ATP6V0A1: variants seen among roughly 807,000 people sequenced by gnomAD.
ATP6V0A1 encodes the protein ATPase H+ transporting V0 subunit a1, also known as V-type proton ATPase 116 kDa subunit a 1.
ATP6V0A1 carries 43 observed loss-of-function variants against 105.4 expected under a neutral mutation model. The observed-to-expected ratio is 0.41, with a 90% CI of 0.32 to 0.53. The LOEUF (loss-of-function observed/expected upper bound fraction) is 0.53. Ranked by LOEUF, ATP6V0A1 falls within the 20% of genes least tolerant of loss-of-function variation. The probability of loss-of-function intolerance (pLI) is 0.30; values close to 1 mark genes in which losing one functional copy is unlikely to be tolerated. For synonymous variants in ATP6V0A1, 362 were observed against 372.8 expected, an observed-to-expected ratio of 0.97 and a Z score of 0.33; for missense variants, 676 against 1,051.1, an observed-to-expected ratio of 0.64 and a Z score of 4.93.
intron 2 of ATP6V0A1, among the ~76,000 whole-genome samples, chr17:42,463,005 T>C (rs1037386336): frequency 1.5e-5 from 2 of 137,808 alleles, no homozygotes; most frequent in East Asian, 4.2e-4. Context: ...GAACTTTTTT[T>C]TTTTTTTTTT....
intron 14 of ATP6V0A1, among the ~76,000 whole-genome samples, chr17:42,496,998 A>G (rs919124290): frequency 6.6e-6 from 1 of 151,784 alleles, no homozygotes; most frequent in Non-Finnish European, 1.5e-5. Context: ...CTCAAGAGAT[A>G]TATCTACAAT....
intron 18 of ATP6V0A1, 92 bp downstream of exon 18, chr17:42,507,719 GA>G (rs1302148543): frequency 4.6e-6 from 5 of 1,086,590 alleles, no homozygotes; most frequent in Non-Finnish European, 5.7e-6. Context: ...TCTTCTCCTT[GA>G]AAAATAAAAA....
In ATP6V0A1 at chr17:42,495,135, T is replaced by C; in HGVS notation, c.1416T>C (p.Leu472=). Residue 472 remains leucine, a synonymous_variant, in exon 13 of 22, where the codon CTT becomes CTC. Transcript: ENST00000343619. The part of the protein sequence containing the change: ...LIYNDCFSKS[L]NIFGSSWSVR... ...ACAATGATTGCTTTTCCAAGTCTCT[T>C]AATATCTTTGGGTCATCCTGGAGTG... 1 of 1,614,166 alleles carries C rather than the reference T, an allele frequency of 6.2e-7. No homozygotes were observed. Among genetic ancestry groups the C allele is most frequent in the Non-Finnish European group, 8.5e-7 (1 of 1,179,996 alleles).
intron 1 of ATP6V0A1, among the ~76,000 whole-genome samples, chr17:42,459,912 A>C (rs1226280189): frequency 6.6e-6 from 1 of 152,192 alleles, no homozygotes; most frequent in Non-Finnish European, 1.5e-5. Context: ...CCCTTATGAC[A>C]CTAAAAATAC....
At chr17:42,476,786 T>C (rs1481781835) in intron 5 of ATP6V0A1, among the ~76,000 whole-genome samples, 1 of 152,156 alleles carries the variant, frequency 6.6e-6, no homozygotes, top group Non-Finnish European at 1.5e-5. Flanking sequence ...CCATGAACTC[T>C]AGTTTGGTTT....
At chr17:42,489,778 C>G (rs1212406531) in intron 10 of ATP6V0A1, among the ~76,000 whole-genome samples, 1 of 151,120 alleles carries the variant, frequency 6.6e-6, no homozygotes, top group Non-Finnish European at 1.5e-5. Context: ...GTCAAGCAGA[C>G]AAGGGAACAA....
intron 2 of ATP6V0A1, among the ~76,000 whole-genome samples, chr17:42,463,815 A>G (rs2086717817): frequency 6.6e-6 from 1 of 152,222 alleles, no homozygotes; most frequent in South Asian, 2.1e-4. Context: ...CCAATTTCAT[A>G]AACAGTCGAT....
Position 42,483,088 on chromosome 17 carries a change from A to C in ATP6V0A1, c.767A>C (p.Glu256Ala), listed in dbSNP as rs766418874. ...CCTGAGACACCACAGGAGAGGAAGG[A>C]AATGGCTTCTGGAGTGAATACCAGG... ...PCPETPQERK[E>A]MASGVNTRID... The change falls in exon 9 of 22, where the codon GAA becomes GCA. Residue 256 changes from glutamate to alanine, a missense_variant. Around this residue, in one of 3 missense-constraint regions of ATP6V0A1, gnomAD observed 239 missense variants for 388.4 expected, o/e 0.62. Coordinates refer to ENST00000343619, the MANE Select transcript of ATP6V0A1 (RefSeq NM_001130021.3). 3.2e-6 allele frequency: 5 copies of C among 1,569,504 alleles called. No homozygotes were observed. Among genetic ancestry groups the C allele is most frequent in the Non-Finnish European group, 4.3e-6 (5 of 1,154,764 alleles).
At chr17:42,511,141 T>A (rs920493616) in intron 19 of ATP6V0A1, 1 of 152,276 alleles carries the variant, frequency 6.6e-6, no homozygotes, top group Non-Finnish European at 1.5e-5. Flanking sequence ...GAGATCCACC[T>A]TGGAGTCACT....
chr17:42,491,800 G>T (rs1214262202), intron 11 of ATP6V0A1, among the ~76,000 whole-genome samples: 2 of 150,544 alleles, frequency 1.3e-5, no homozygotes, highest in Non-Finnish European at 3.0e-5. Flanking sequence ...TGTATTTTTA[G>T]TAGAGACAGG....
chr17:42,476,984 A>C (rs1228183206), intron 5 of ATP6V0A1, among the ~76,000 whole-genome samples: 6 of 152,168 alleles, frequency 3.9e-5, no homozygotes, highest in African/African-American at 1.4e-4. Context: ...ATACTCTTTA[A>C]ATCCCATGGC....
At chr17:42,508,533 G>A (rs1472181543) in intron 18 of ATP6V0A1, 39 bp from the exon 19 acceptor site, 1 of 1,613,544 alleles carries the variant, frequency 6.2e-7, no homozygotes, top group East Asian at 2.2e-5. Flanking sequence ...CCTTGTGTGT[G>A]GCGTGGCTCC....
At chr17:42,462,998 CTTTTTTTT>C (rs35135162) in intron 2 of ATP6V0A1, among the ~76,000 whole-genome samples, 1 of 66,188 alleles carries the variant, frequency 1.5e-5, no homozygotes, top group Admixed American at 2.5e-4. Flanking sequence ...GGATATGGAA[CTTTTTTTT>C]TTTTTTTTTT....
intron 5 of ATP6V0A1, among the ~76,000 whole-genome samples, chr17:42,476,608 T>A (rs751283238): frequency 6.6e-6 from 1 of 152,146 alleles, no homozygotes; most frequent in Non-Finnish European, 1.5e-5. Context: ...TTGTTTTGTT[T>A]TGTTTTTTGG....
intron 17 of ATP6V0A1, 122 bp downstream of exon 17, chr17:42,501,426 T>A: frequency 1.2e-6 from 1 of 824,682 alleles, no homozygotes; most frequent in Non-Finnish European, 1.8e-6. Context: ...TTTCTTTTTC[T>A]TTTTTTGAGA....
At chr17:42,500,074 CAAA>C (rs199733869) in intron 15 of ATP6V0A1, among the ~76,000 whole-genome samples, 12 of 61,072 alleles carry the variant, frequency 2.0e-4, no homozygotes, top group African/African-American at 6.4e-4. Context: ...CCCATCTCTA[CAAA>C]AAAAAAAAAA....
At chr17:42,503,399 T>C (rs1022667226) in intron 17 of ATP6V0A1, among the ~76,000 whole-genome samples, 1 of 152,254 alleles carries the variant, frequency 6.6e-6, no homozygotes, top group African/African-American at 2.4e-5. Flanking sequence ...AGACCTCACA[T>C]GTCCTCAGCT....
Position 42,487,382 on chromosome 17 carries a change from C to T in ATP6V0A1, c.1023+15C>T. 1 of 1,611,256 alleles carries T rather than the reference C, an allele frequency of 6.2e-7. No individual in the cohort carries two copies. Among genetic ancestry groups the T allele is most frequent in the Non-Finnish European group, 8.5e-7 (1 of 1,178,150 alleles). ...GAAGGGGCACGGTGAGTCCCCAAAGCTAACAATGCAGCTCGTGGCCCGGAA... is the reference window on the plus strand; with the variant it reads ...GAAGGGGCACGGTGAGTCCCCAAAGTTAACAATGCAGCTCGTGGCCCGGAA... On this transcript the variant is annotated intron_variant, in intron 10 of 21. Transcript: ENST00000343619.
At position 42,492,708 on chromosome 17, in the gene ATP6V0A1, A is replaced by C. The variant is rs1171796116; in HGVS notation, c.1175-1626A>C. On this transcript the variant is annotated intron_variant, in intron 11 of 21. Transcript: ENST00000343619. ...GCAAAAAGAGTGAAACTCTGTCTCA[A>C]AAAAAAAAAAAAAAAAAAGTTCATC... 2.3e-3 allele frequency among the ~76,000 whole-genome samples: 3 copies of C among 1,312 alleles called. No individual in the cohort carries two copies. In the Non-Finnish European group the frequency reaches 0.034, roughly 15 times the overall value. 0.9% of individuals were successfully genotyped at this position (1,312 alleles called of 152,430 possible).
Sources: allele counts gnomAD v4.1 joint callset (sites outside exome capture counted in the v4.1 genomes callset), GRCh38; gene constraint gnomAD v4.1.1; regional missense constraint gnomAD v4.1.1; transcripts MANE v1.5; gene names NCBI Gene and HGNC (gene_info 2026-07-23, HGNC 2026-07-21).